The following RRAS2 variants were observed in gnomAD, a reference collection of about 807,000 sequenced individuals.
The protein encoded by RRAS2 is ras-related protein R-Ras2.
Under a neutral mutation model 27.6 loss-of-function variants are expected in RRAS2, and 7 were observed. The observed-to-expected ratio is 0.25, with a 90% CI of 0.14 to 0.48. RRAS2 has a LOEUF of 0.48. Among genes scored for constraint, RRAS2 ranks in the 20% least tolerant of loss-of-function variants. The pLI, the probability that RRAS2 is intolerant of heterozygous loss-of-function variation, is 0.99. For synonymous variants in RRAS2, 86 were observed against 90.9 expected (o/e 0.95, Z 0.31); for missense variants, 178 against 256.2 (o/e 0.69, Z 2.08).
At chr11:14,287,424 A>G (rs1450913046) in intron 4 of RRAS2, among the ~76,000 whole-genome samples, 5 of 152,212 alleles carry the variant, frequency 3.3e-5, no homozygotes, top group Non-Finnish European at 7.3e-5. Flanking sequence ...TGTTGGGGTA[A>G]ATATGATTGG....
At chr11:14,318,223 G>A (rs1371661123) in intron 1 of RRAS2, among the ~76,000 whole-genome samples, 2 of 152,076 alleles carry the variant, frequency 1.3e-5, no homozygotes, top group Non-Finnish European at 2.9e-5. Context: ...GTGCAGCCGG[G>A]CGTGGTGGCT....
At chr11:14,329,887 T>C (rs569933397) in intron 1 of RRAS2, among the ~76,000 whole-genome samples, 2 of 152,190 alleles carry the variant, frequency 1.3e-5, no homozygotes, top group African/African-American at 4.8e-5. Flanking sequence ...CTGAGCAACA[T>C]AGTGAGACTT....
chr11:14,363,995 G>A (rs1041534410), upstream of RRAS2, among the ~76,000 whole-genome samples: 3 of 152,104 alleles, frequency 2.0e-5, no homozygotes, highest in East Asian at 3.8e-4. Flanking sequence ...GCTTGAACCC[G>A]GGAGGCGGAG....
chr11:14,330,745 AAATTT>A (rs1339919811), intron 1 of RRAS2, among the ~76,000 whole-genome samples: 2 of 152,380 alleles, frequency 1.3e-5, no homozygotes, highest in East Asian at 1.9e-4. Context: ...ATATGTTGAG[AAATTT>A]AATTAAGGCA....
chr11:14,358,820 G>A lies in RRAS2; in HGVS notation c.51C>T (p.Leu17=), dbSNP rs1554955856. 2 of 1,494,338 alleles carry A rather than the reference G, an allele frequency of 1.3e-6. No individual in the cohort carries two copies. The highest frequency in any genetic ancestry group is 1.8e-6 in the Non-Finnish European group (2 of 1,115,716). The allele number at this position is 1,494,338 out of a possible 1,614,324, so 92.6% of individuals were successfully genotyped here. A position where few individuals can be genotyped will look rare whatever the true frequency, so the allele number is the denominator to read the frequency against. The change falls in exon 1 of 6, where the codon CTC becomes CTT. Residue 17 remains leucine (L), a synonymous_variant. Coordinates refer to ENST00000256196, the MANE Select transcript of RRAS2 (RefSeq NM_012250.6). The surrounding 1 kb of genome is among the most constrained non-coding windows in gnomAD (Gnocchi z 5.1). ...CCACGCCGCCCCCGCCGACCACCAC[G>A]AGCCGGTACTTCTCCTGGCCGGAGC... is the stretch of plus-strand genomic sequence containing the variant. ...RDGSGQEKYR[L]VVVGGGGVGK...
intron 4 of RRAS2, among the ~76,000 whole-genome samples, chr11:14,285,555 T>C (rs536849254): frequency 1.3e-5 from 2 of 152,350 alleles, no homozygotes; most frequent in South Asian, 2.1e-4. Flanking sequence ...CATTTTCAGA[T>C]TTCCATTTGG....
intron 1 of RRAS2, among the ~76,000 whole-genome samples, chr11:14,350,217 G>A (rs782277510): frequency 2.0e-5 from 3 of 151,992 alleles, no homozygotes; most frequent in Non-Finnish European, 4.4e-5. Context: ...TGGTTTGTGC[G>A]ATTCCTCCAA....
intron 1 of RRAS2, among the ~76,000 whole-genome samples, chr11:14,299,250 C>T (rs561648475): frequency 6.6e-6 from 1 of 152,176 alleles, no homozygotes; most frequent in South Asian, 2.1e-4. Flanking sequence ...TGTAATAATT[C>T]CAGTCCTAGT....
intron 1 of RRAS2, among the ~76,000 whole-genome samples, chr11:14,347,447 A>G (rs1257388020): frequency 2.0e-5 from 3 of 152,240 alleles, no homozygotes; most frequent in Non-Finnish European, 4.4e-5. Flanking sequence ...AGGGTTAACA[A>G]AAGTGCTTAA....
intron 1 of RRAS2, among the ~76,000 whole-genome samples, chr11:14,316,052 G>C (rs900585283): frequency 6.6e-6 from 1 of 152,082 alleles, no homozygotes; most frequent in Non-Finnish European, 1.5e-5. Context: ...GTTCAGAAGA[G>C]ATTTTAAAGC....
chr11:14,288,917 A>G (rs1849735073), intron 4 of RRAS2, among the ~76,000 whole-genome samples: 1 of 152,228 alleles, frequency 6.6e-6, no homozygotes, highest in Non-Finnish European at 1.5e-5. Context: ...CAACGTCTTA[A>G]CTCACTGGCA....
intron 4 of RRAS2, 69 bp downstream of exon 4, chr11:14,294,402 C>G: frequency 9.5e-7 from 1 of 1,054,704 alleles, no homozygotes; most frequent in Non-Finnish European, 1.4e-6. Context: ...TCAATTATTT[C>G]CTTAAATCTA....
At chr11:14,310,422 A>G (rs1340159092) in intron 1 of RRAS2, among the ~76,000 whole-genome samples, 1 of 152,194 alleles carries the variant, frequency 6.6e-6, no homozygotes, top group Non-Finnish European at 1.5e-5. Flanking sequence ...TTGGGAGGTC[A>G]GGAAAATGAG....
At chr11:14,346,940 AG>A (rs370969300) in intron 1 of RRAS2, among the ~76,000 whole-genome samples, 1 of 152,308 alleles carries the variant, frequency 6.6e-6, no homozygotes, top group African/African-American at 2.4e-5. Flanking sequence ...GGATTGCTTG[AG>A]GCCAGGAGTT....
chr11:14,314,484 C>T (rs967621251), intron 1 of RRAS2, among the ~76,000 whole-genome samples: 3 of 152,040 alleles, frequency 2.0e-5, no homozygotes, highest in Non-Finnish European at 2.9e-5. Flanking sequence ...AAAATATTAA[C>T]GAATTTTATT....
At chr11:14,291,413 T>C (rs1849813368) in intron 4 of RRAS2, among the ~76,000 whole-genome samples, 1 of 152,158 alleles carries the variant, frequency 6.6e-6, no homozygotes, top group Non-Finnish European at 1.5e-5. Context: ...TTTCTTTGTG[T>C]CTATCCTTCA....
intron 1 of RRAS2, among the ~76,000 whole-genome samples, chr11:14,339,422 A>C (rs1483015125): frequency 1.3e-5 from 2 of 152,174 alleles, no homozygotes; most frequent in African/African-American, 4.8e-5. Flanking sequence ...TCATCAGAAC[A>C]GTCATTCTAT....
chr11:14,347,711 C>G (rs571373378), intron 1 of RRAS2, among the ~76,000 whole-genome samples: 1 of 152,152 alleles, frequency 6.6e-6, no homozygotes, highest in South Asian at 2.1e-4. Flanking sequence ...CGCGCTTTGG[C>G]AGGCAGAGGC....
chr11:14,296,506 T>TATG lies in RRAS2; in HGVS notation c.109-652_109-651insCAT, dbSNP rs556930716. 6.4e-4 allele frequency among the ~76,000 whole-genome samples: 97 copies of TATG among 152,326 alleles called. 1 individual carries two copies. Among genetic ancestry groups the TATG allele is most frequent in the African/African-American group, 2.2e-3 (91 of 41,578 alleles). ...ACTCTAGAAAAATTAGAAAACACAGTAAGTTATAATTCAGACCTATTTGAA... is the reference window on the plus strand; with the variant it reads ...ACTCTAGAAAAATTAGAAAACACAGTATGAAGTTATAATTCAGACCTATTTGAA... On this transcript the variant is annotated intron_variant, in intron 1 of 5. Transcript: ENST00000256196.
Sources: gnomAD v4.1 joint callset for allele counts (sites outside exome capture counted in the v4.1 genomes callset) on GRCh38, gnomAD v4.1.1 for gene constraint, Gnocchi (gnomAD v3.1) non-coding constraint, MANE v1.5 for transcripts, NCBI Gene and HGNC (gene_info 2026-07-23, HGNC 2026-07-21) for gene names.